Variants in NIBAN2 observed in about 807,000 individuals in gnomAD.
NIBAN2 encodes the protein protein Niban 2.
A neutral mutation model predicts 81.8 loss-of-function variants in NIBAN2; 36 were observed. The ratio of observed to expected loss-of-function variants is 0.44; its 90% confidence interval spans 0.34 to 0.58. The LOEUF is 0.58. NIBAN2 is among the 20% of genes least tolerant of loss of function. NIBAN2 has a pLI of 0.02. For missense variants in NIBAN2, 897 were observed against 1,014.1 expected, an observed-to-expected ratio of 0.88 and a Z score of 1.57; for synonymous variants, 445 against 441.6, an observed-to-expected ratio of 1.01 and a Z score of -0.10.
At chr9:127,521,660 G>A (rs1836944380) in intron 5 of NIBAN2, among the ~76,000 whole-genome samples, 1 of 152,054 alleles carries the variant, frequency 6.6e-6, no homozygotes. Flanking sequence ...TCCGCAGGGT[G>A]GAAGGAAGGC....
chr9:127,568,271 G>T (rs1837892607), intron 1 of NIBAN2, among the ~76,000 whole-genome samples: 1 of 152,168 alleles, frequency 6.6e-6, no homozygotes, highest in Admixed American at 6.5e-5. Context: ...CCGCCTCCGG[G>T]GCGCCCCATC....
intron 1 of NIBAN2, among the ~76,000 whole-genome samples, chr9:127,564,975 G>A (rs893839650): frequency 2.0e-5 from 3 of 152,214 alleles, no homozygotes. Context: ...CTTCTGGGAA[G>A]TGGGATTTAA....
At chr9:127,519,838 C>T (rs1487291243) in intron 5 of NIBAN2, among the ~76,000 whole-genome samples, 3 of 152,246 alleles carry the variant, frequency 2.0e-5, no homozygotes, top group Non-Finnish European at 4.4e-5. Flanking sequence ...CCACCCCACC[C>T]GCCTCTCAGA....
chr9:127,566,059 G>A (rs372012062), intron 1 of NIBAN2, among the ~76,000 whole-genome samples: 82 of 151,998 alleles, frequency 5.4e-4, no homozygotes, highest in African/African-American at 1.8e-3. Context: ...TTGAGCCCAG[G>A]AGGTCGAGGC....
intron 1 of NIBAN2, among the ~76,000 whole-genome samples, chr9:127,553,067 A>G (rs1837607643): frequency 6.6e-6 from 1 of 152,198 alleles, no homozygotes; most frequent in African/African-American, 2.4e-5. Flanking sequence ...CAAATTATGT[A>G]TCAGGAAGGT....
Position 127,517,299 on chromosome 9 carries a change from C to A in NIBAN2, c.706-83G>T. 8.6e-7 allele frequency: 1 copy of A among 1,159,808 alleles called. No homozygotes were observed. The highest frequency in any genetic ancestry group is 1.3e-6 in the Non-Finnish European group (1 of 799,162). 71.8% of individuals were successfully genotyped at this position (1,159,808 alleles called of 1,614,324 possible). On this transcript the variant is annotated intron_variant, in intron 6 of 13. Coordinates refer to ENST00000373312, the MANE Select transcript of NIBAN2 (RefSeq NM_022833.4). The surrounding 1 kb of genome is among the most constrained non-coding windows in gnomAD (Gnocchi z 4.0). ...TCTCTCTGCATTCCCACAAGCCAGG[C>A]CGCTGCAGCCCCCACCTCCTCCGCG... is the stretch of plus-strand genomic sequence containing the variant.
upstream of NIBAN2, among the ~76,000 whole-genome samples, chr9:127,570,740 G>C (rs1837937239): frequency 6.6e-6 from 1 of 152,222 alleles, no homozygotes; most frequent in Admixed American, 6.5e-5. Context: ...CCAGGGAGTG[G>C]GGACAGCATG....
intron 5 of NIBAN2, among the ~76,000 whole-genome samples, chr9:127,523,355 G>T (rs949004308): frequency 6.7e-6 from 1 of 149,626 alleles, no homozygotes; most frequent in East Asian, 2.0e-4. Context: ...GAGCCTCCAA[G>T]AGGTAAGTCA....
intron 1 of NIBAN2, among the ~76,000 whole-genome samples, chr9:127,568,594 G>A (rs1294365279): frequency 6.6e-6 from 1 of 151,922 alleles, no homozygotes; most frequent in Non-Finnish European, 1.5e-5. Flanking sequence ...AAGGAGTTCC[G>A]AGTCCCCTTG....
chr9:127,509,539 T>C (rs1271919135), intron 9 of NIBAN2, among the ~76,000 whole-genome samples: 2 of 152,036 alleles, frequency 1.3e-5, no homozygotes, highest in East Asian at 1.9e-4. Flanking sequence ...GTCTGTGGAC[T>C]CCCCATTTCA....
rs1332586309 is a variant in NIBAN2, at chr9:127,577,235, G to C, written c.16+1687C>G. Among the ~76,000 whole-genome samples the C allele has an allele frequency of 2.0e-5, 3 of 152,078 alleles. No individual in the cohort carries two copies. In the East Asian group the frequency reaches 5.8e-4, roughly 30 times the overall value. On this transcript the variant is annotated intron_variant, in intron 1 of 13. Transcript: ENST00000373314. Reference sequence around the variant, plus strand: ...AGGCACAAGAATCACTTGAACCAGAGAGGCAGGGGTTGCAGTGAGCCGAGA... The same window carrying C: ...AGGCACAAGAATCACTTGAACCAGACAGGCAGGGGTTGCAGTGAGCCGAGA...
chr9:127,522,813 C>A (rs943256537), intron 5 of NIBAN2, among the ~76,000 whole-genome samples: 12 of 151,936 alleles, frequency 7.9e-5, no homozygotes, highest in Middle Eastern at 3.2e-3. Context: ...TGAACCATAA[C>A]CTCCTCAAGG....
chr9:127,566,945 T>C (rs1032393149), intron 1 of NIBAN2, among the ~76,000 whole-genome samples: 1 of 132,612 alleles, frequency 7.5e-6, no homozygotes, highest in African/African-American at 2.9e-5. Context: ...GGACCAGGAA[T>C]TCGAGGCATT....
chr9:127,523,723 T>C lies in NIBAN2; in HGVS notation c.545A>G (p.Lys182Arg). The change falls in exon 5 of 14, where the codon AAG (lysine) becomes AGG (arginine). Residue 182 changes from lysine (K) to arginine (R), a missense_variant. This residue lies in a region of NIBAN2 where 69 missense variants were observed against 114.7 expected (regional missense o/e 0.60). Coordinates refer to ENST00000373312, the MANE Select transcript of NIBAN2 (RefSeq NM_022833.4). ...FCMMTEAEQD[K>R]WQAVLQDCIR... ...GCAGTCCTGCAGCACAGCCTGCCAC[T>C]TGTCCTGCTCGGCTTCTGTCATCAT... 1 of 1,613,974 alleles carries C rather than the reference T, an allele frequency of 6.2e-7. No individual in the cohort carries two copies. The highest frequency in any genetic ancestry group is 8.5e-7 in the Non-Finnish European group (1 of 1,179,976).
chr9:127,557,200 G>T (rs533031604), intron 1 of NIBAN2, among the ~76,000 whole-genome samples: 34 of 152,310 alleles, frequency 2.2e-4, no homozygotes, highest in African/African-American at 7.9e-4. Flanking sequence ...ACTGGCTGCA[G>T]GGCTTGGTCT....
intron 1 of NIBAN2, among the ~76,000 whole-genome samples, chr9:127,534,420 G>A (rs1228203934): frequency 6.6e-6 from 1 of 152,198 alleles, no homozygotes; most frequent in Admixed American, 6.5e-5. Context: ...TTAAGTCACT[G>A]GCATAAGGTC....
Position 127,531,772 on chromosome 9 carries a change from G to T in NIBAN2, c.62C>A (p.Thr21Asn). The T allele has an allele frequency of 6.2e-7, 1 of 1,614,166 alleles. No homozygotes were observed. Among genetic ancestry groups the T allele is most frequent in the Non-Finnish European group, 8.5e-7 (1 of 1,179,998 alleles). Residue 21 changes from threonine (T) to asparagine (N), a missense_variant, in exon 2 of 14, where the codon ACC becomes AAC. Thr to Asn is a moderately conservative substitution (Grantham distance 65). This residue lies in a region of NIBAN2 where 209 missense variants were observed against 208.4 expected (regional missense o/e 1.00). Coordinates refer to ENST00000373312, the MANE Select transcript of NIBAN2 (RefSeq NM_022833.4). ...GAGGAACTCCGTCAGGATCTTCCCG[G>T]TTTTTTCTGGAAGAGAAGGACAAGC... ...DARRQHIAEK[T>N]GKILTEFLQF...
intron 1 of NIBAN2, among the ~76,000 whole-genome samples, chr9:127,567,319 G>A (rs575031199): frequency 6.6e-6 from 1 of 152,326 alleles, no homozygotes; most frequent in African/African-American, 2.4e-5. Context: ...CGACAGGGAG[G>A]GGACAGGAAG....
At chr9:127,551,699 G>A (rs1416681871) in intron 1 of NIBAN2, among the ~76,000 whole-genome samples, 4 of 151,480 alleles carry the variant, frequency 2.6e-5, no homozygotes, top group African/African-American at 9.7e-5. Flanking sequence ...TGGGCAACAA[G>A]AGCAAAACTC....
Sources: allele counts gnomAD v4.1 joint callset (sites outside exome capture counted in the v4.1 genomes callset), GRCh38; gene constraint gnomAD v4.1.1; regional missense constraint gnomAD v4.1.1; non-coding constraint Gnocchi (gnomAD v3.1); transcripts MANE v1.5; gene names NCBI Gene and HGNC (gene_info 2026-07-23, HGNC 2026-07-21).